CADM4: variants seen among roughly 807,000 people sequenced by gnomAD.
CADM4 encodes TSLC1-like 2.
A neutral mutation model predicts 43.9 loss-of-function variants in CADM4; 13 were observed. That is an observed-to-expected ratio of 0.30 (90% CI 0.19 to 0.47). The LOEUF is 0.47. CADM4 is among the 20% of genes least tolerant of loss of function. CADM4 has a pLI of 1.00. For synonymous variants in CADM4, 209 were observed against 220.9 expected (o/e 0.95, Z 0.48); for missense variants, 420 against 527.0 (o/e 0.80, Z 1.99).
intron 1 of CADM4, among the ~76,000 whole-genome samples, chr19:43,628,383 C>A (rs554345608): frequency 6.6e-6 from 1 of 150,666 alleles, no homozygotes; most frequent in Admixed American, 6.6e-5. Context: ...TGCAGTGAGC[C>A]GAGATGGAGC....
chr19:43,627,337 A>G lies in CADM4; in HGVS notation c.212-19T>C. Reference sequence around the variant, plus strand: ...TTCAAGGCTAGAGAGAGTGAGGGGGAAGGTGTGAATTTCGGGAGTCCTGGC... The same window carrying G: ...TTCAAGGCTAGAGAGAGTGAGGGGGGAGGTGTGAATTTCGGGAGTCCTGGC... On this transcript the variant is annotated intron_variant, in intron 2 of 8. Transcript: ENST00000222374. The surrounding 1 kb of genome is among the most constrained non-coding windows in gnomAD (Gnocchi z 4.0). 1.9e-6 allele frequency: 3 copies of G among 1,549,674 alleles called. No individual in the cohort carries two copies. Among genetic ancestry groups the G allele is most frequent in the African/African-American group, 1.4e-5 (1 of 73,280 alleles).
intron 1 of CADM4, among the ~76,000 whole-genome samples, chr19:43,636,382 C>A (rs1373082422): frequency 6.6e-6 from 1 of 152,104 alleles, no homozygotes; most frequent in African/African-American, 2.4e-5. Context: ...GCACTGAGCT[C>A]CCTCTGTCCG....
chr19:43,634,998 CA>C (rs1973680979), intron 1 of CADM4, among the ~76,000 whole-genome samples: 1 of 151,564 alleles, frequency 6.6e-6, no homozygotes, highest in African/African-American at 2.4e-5. Flanking sequence ...CCCCTTCCTT[CA>C]AACCTAGGAG....
chr19:43,639,647 C>A (rs1328590996), intron 1 of CADM4, 80 bp downstream of exon 1: 4 of 848,960 alleles, frequency 4.7e-6, no homozygotes, highest in East Asian at 1.2e-4. Context: ...TCGGCCTCTG[C>A]GGCCCCGAGG....
chr19:43,622,529 C>CA lies in CADM4; in HGVS notation c.*800dup, dbSNP rs1254236045. The CA allele has an allele frequency of 6.6e-6, 1 of 152,182 alleles. No individual in the cohort carries two copies. The highest frequency in any genetic ancestry group is 1.5e-5 in the Non-Finnish European group (1 of 68,060). The allele number at this position is 152,182 out of a possible 1,614,324, so 9.4% of individuals were successfully genotyped here. On this transcript the variant is annotated 3_prime_UTR_variant, in exon 9 of 9. Coordinates refer to ENST00000222374, the MANE Select transcript of CADM4 (RefSeq NM_145296.2). ...AGCCAGGAATGGGGAGAGGGGGGTGCAATCTGATATTTTCATACAGACTTT... is the reference window on the plus strand; with the variant it reads ...AGCCAGGAATGGGGAGAGGGGGGTGCAAATCTGATATTTTCATACAGACTTT...
rs1486468304 is a variant in CADM4, at chr19:43,622,969, C to T, written c.*361G>A. ...AATCTGTGTTCCCCTTCCCTGCCCC[C>T]CCCACCCTTCCCAGAAACTGACCCC... On this transcript the variant is annotated 3_prime_UTR_variant, in exon 9 of 9. Coordinates refer to ENST00000222374, the MANE Select transcript of CADM4 (RefSeq NM_145296.2). The T allele has an allele frequency of 6.7e-6, 1 of 150,002 alleles. No homozygotes were observed. Among genetic ancestry groups the T allele is most frequent in the Admixed American group, 6.7e-5 (1 of 15,026 alleles). 9.3% of individuals were successfully genotyped at this position (150,002 alleles called of 1,614,324 possible).
intron 1 of CADM4, among the ~76,000 whole-genome samples, chr19:43,637,177 A>G (rs1335369212): frequency 6.6e-6 from 1 of 152,134 alleles, no homozygotes; most frequent in African/African-American, 2.4e-5. Context: ...TATGCTCAGA[A>G]GATGAATGAA....
chr19:43,625,926 A>AC lies in CADM4; in HGVS notation c.739dup (p.Val247GlyfsTer17), dbSNP rs1973517921. ...CAGAGCTCACCTGGGGTTCCCCGTG[A>AC]CAGCACACGTCAACACCAGCGTGTC... On this transcript the variant is annotated frameshift_variant, in exon 6 of 9. Coordinates refer to ENST00000222374, the MANE Select transcript of CADM4 (RefSeq NM_145296.2). LOFTEE classifies it high-confidence loss of function. This position sits in a 1 kb window ranked among gnomAD's most constrained non-coding sequence, Gnocchi z 4.5. The AC allele has an allele frequency of 6.2e-7, 1 of 1,613,986 alleles. No homozygotes were observed. Among genetic ancestry groups the AC allele is most frequent in the Non-Finnish European group, 8.5e-7 (1 of 1,180,002 alleles).
At chr19:43,628,534 G>A (rs1276072438) in intron 1 of CADM4, among the ~76,000 whole-genome samples, 1 of 152,210 alleles carries the variant, frequency 6.6e-6, no homozygotes, top group Admixed American at 6.5e-5. Context: ...CTGGGCACAT[G>A]TTGTAGCCCG....
At chr19:43,631,536 A>T (rs953457495) in intron 1 of CADM4, among the ~76,000 whole-genome samples, 11 of 152,130 alleles carry the variant, frequency 7.2e-5, no homozygotes, top group African/African-American at 2.7e-4. Context: ...GTTGTATTTT[A>T]TGGTTGCACT....
At position 43,625,792 on chromosome 19, in the gene CADM4, G is replaced by A. The variant is rs1973515195; in HGVS notation, c.755+119C>T. The A allele has an allele frequency of 6.2e-6, 5 of 804,316 alleles. No homozygotes were observed. The highest frequency in any genetic ancestry group is 1.0e-5 in the Non-Finnish European group (5 of 495,770). The allele number at this position is 804,316 out of a possible 1,614,324, so 49.8% of individuals were successfully genotyped here. On this transcript the variant is annotated intron_variant, in intron 6 of 8. Coordinates refer to ENST00000222374, the MANE Select transcript of CADM4 (RefSeq NM_145296.2). This position sits in a 1 kb window ranked among gnomAD's most constrained non-coding sequence, Gnocchi z 4.5. ...CCAGGAATCCAGGTCCTAGCTCCCT[G>A]TTTGTCCAGGTCCTCAGCTCTCTCC... is the stretch of plus-strand genomic sequence containing the variant.
chr19:43,639,686 C>A (rs1459164649), intron 1 of CADM4, 41 bp downstream of exon 1: 35 of 977,800 alleles, frequency 3.6e-5, no homozygotes, highest in Middle Eastern at 5.1e-4. Context: ...AGCGCGCCCC[C>A]CGCCCCAGCC....
In CADM4 at chr19:43,627,233, C is replaced by G; in HGVS notation, c.297G>C (p.Glu99Asp). 1 of 1,601,348 alleles carries G rather than the reference C, an allele frequency of 6.2e-7. No individual in the cohort carries two copies. Among genetic ancestry groups the G allele is most frequent in the Non-Finnish European group, 8.5e-7 (1 of 1,173,572 alleles). Residue 99 changes from glutamate to aspartate, a missense_variant, in exon 3 of 9, where the codon GAG becomes GAC. Glu to Asp is a conservative substitution (Grantham distance 45). Transcript: ENST00000222374. This position sits in a 1 kb window ranked among gnomAD's most constrained non-coding sequence, Gnocchi z 4.0. The stretch of plus-strand genomic sequence containing the variant: ...TGTAGAGCTGGCAGAAATAGCCCCC[C>G]TCGTCCTCCAGGCGGGCATCTGAGA... ...IRLSDARLED[E>D]GGYFCQLYTE...
chr19:43,638,161 C>T (rs1973726996), intron 1 of CADM4, among the ~76,000 whole-genome samples: 1 of 152,182 alleles, frequency 6.6e-6, no homozygotes, highest in Admixed American at 6.6e-5. Flanking sequence ...AGTGAGAGGA[C>T]AGCTTTGCCC....
intron 1 of CADM4, among the ~76,000 whole-genome samples, chr19:43,634,035 CATT>C (rs796492316): frequency 1.0e-3 from 155 of 152,200 alleles, no homozygotes; most frequent in African/African-American, 3.6e-3. Flanking sequence ...TTTGTGACAT[CATT>C]ATTTTCATCT....
chr19:43,625,750 TCTCTC>T lies in CADM4; in HGVS notation c.755+156_755+160del, dbSNP rs1973514126. On this transcript the variant is annotated intron_variant, in intron 6 of 8. Coordinates refer to ENST00000222374, the MANE Select transcript of CADM4 (RefSeq NM_145296.2). The surrounding 1 kb of genome is among the most constrained non-coding windows in gnomAD (Gnocchi z 4.5). ...ATCCCTATTCGTCCAGGTCCCCAGC[TCTCTC>T]CTCCTCAGGACCCAGGAATCCAGGT... 6.6e-6 allele frequency among the ~76,000 whole-genome samples: 1 copy of T among 151,852 alleles called. No individual in the cohort carries two copies. Among genetic ancestry groups the T allele is most frequent in the Admixed American group, 6.6e-5 (1 of 15,248 alleles).
chr19:43,627,590 G>GAGA lies in CADM4; in HGVS notation c.211+53_211+54insTCT. 1 of 1,565,940 alleles carries GAGA rather than the reference G, an allele frequency of 6.4e-7. No homozygotes were observed. The highest frequency in any genetic ancestry group is 8.7e-7 in the Non-Finnish European group (1 of 1,145,514). On this transcript the variant is annotated intron_variant, in intron 2 of 8. Coordinates refer to ENST00000222374, the MANE Select transcript of CADM4 (RefSeq NM_145296.2). The surrounding 1 kb of genome is among the most constrained non-coding windows in gnomAD (Gnocchi z 4.0). ...GTCCTCTTTCAGGACATGGGAGCCT[G>GAGA]GGCCCCAGCCCTCTCTTCCTTTAAG...
intron 1 of CADM4, among the ~76,000 whole-genome samples, chr19:43,634,019 G>A (rs906183791): frequency 2.6e-5 from 4 of 152,026 alleles, no homozygotes; most frequent in Non-Finnish European, 2.9e-5. Flanking sequence ...ATTTCAGCCC[G>A]ACAACTTTGT....
intron 7 of CADM4, 143 bp from the exon 8 acceptor site, chr19:43,624,385 TGTA>T: frequency 1.2e-5 from 11 of 954,004 alleles, no homozygotes; most frequent in Non-Finnish European, 1.7e-5. Context: ...ACTGCCACCT[TGTA>T]GTCTCTTCTC....
Sources: gnomAD v4.1 joint callset for allele counts (sites outside exome capture counted in the v4.1 genomes callset) on GRCh38, gnomAD v4.1.1 for gene constraint, Gnocchi (gnomAD v3.1) non-coding constraint, MANE v1.5 for transcripts, NCBI Gene and HGNC (gene_info 2026-07-23, HGNC 2026-07-21) for gene names.